DNAJC11: variants seen among roughly 807,000 people sequenced by gnomAD.
DNAJC11 encodes DnaJ heat shock protein family (Hsp40) member C11.
DNAJC11 carries 15 observed loss-of-function variants against 78.6 expected under a neutral mutation model. The observed-to-expected ratio is 0.19, with a 90% CI of 0.13 to 0.29. The LOEUF (loss-of-function observed/expected upper bound fraction) is 0.29. Ranked by LOEUF, DNAJC11 falls within the 10% of genes least tolerant of loss-of-function variation. The probability of loss-of-function intolerance (pLI) is 1.00; values close to 1 mark genes in which losing one functional copy is unlikely to be tolerated. For synonymous variants in DNAJC11, 292 were observed against 272.1 expected (o/e 1.07, Z -0.72); for missense variants, 547 against 709.6 (o/e 0.77, Z 2.60).
chr1:6,680,158 G>A lies in DNAJC11; in HGVS notation c.202+750C>T, dbSNP rs750725805. Among the ~76,000 whole-genome samples, 12 of 152,116 alleles carry A rather than the reference G, an allele frequency of 7.9e-5. No individual in the cohort carries two copies. The highest frequency in any genetic ancestry group is 1.5e-4 in the Non-Finnish European group (10 of 68,022). On this transcript the variant is annotated intron_variant, in intron 2 of 15. Transcript: ENST00000377577. The surrounding 1 kb of genome is among the most constrained non-coding windows in gnomAD (Gnocchi z 4.0). ...CTGGAACAAATAACTTATTGTAGTT[G>A]ATGTATATAACAGTGATTTAACATT...
intron 4 of DNAJC11, among the ~76,000 whole-genome samples, chr1:6,660,217 C>T (rs1570283741): frequency 2.7e-5 from 4 of 149,826 alleles, no homozygotes; most frequent in South Asian, 2.1e-4. Context: ...AGTGCAGTGG[C>T]GAGATCTCAG....
At chr1:6,685,195 T>C (rs919546621) in intron 1 of DNAJC11, among the ~76,000 whole-genome samples, 1 of 152,234 alleles carries the variant, frequency 6.6e-6, no homozygotes, top group Non-Finnish European at 1.5e-5. Flanking sequence ...CTGGATAATA[T>C]GTCTGTACCA....
chr1:6,639,959 A>G lies in DNAJC11; in HGVS notation c.1196T>C (p.Val399Ala). ...GATCAGACGGTGCATGGCAAAGTAGACCACTAGAGGCCCCACGGTGGCATA... is the reference window on the plus strand; with the variant it reads ...GATCAGACGGTGCATGGCAAAGTAGGCCACTAGAGGCCCCACGGTGGCATA... ...MFYATVGPLVVYFAMHRLIIK... is the reference protein window; with the variant it reads ...MFYATVGPLVAYFAMHRLIIK... The change falls in exon 11 of 16, where the codon GTC (valine) becomes GCC (alanine). Residue 399 changes from valine to alanine, a missense_variant. Val to Ala is a moderately conservative substitution (Grantham distance 64). Transcript: ENST00000377577. 6.2e-7 allele frequency: 1 copy of G among 1,613,428 alleles called. No individual in the cohort carries two copies.
intron 4 of DNAJC11, among the ~76,000 whole-genome samples, chr1:6,654,730 T>C (rs1455074959): frequency 1.3e-5 from 2 of 152,180 alleles, no homozygotes; most frequent in Non-Finnish European, 2.9e-5. Flanking sequence ...ACACATTTTT[T>C]TAACTAAACT....
At chr1:6,652,430 A>G (rs2148733343) in intron 6 of DNAJC11, among the ~76,000 whole-genome samples, 1 of 152,122 alleles carries the variant, frequency 6.6e-6, no homozygotes. Flanking sequence ...TATGAGACCT[A>G]TTTATTTATT....
chr1:6,679,523 T>C (rs1489043797), intron 2 of DNAJC11, among the ~76,000 whole-genome samples: 2 of 152,284 alleles, frequency 1.3e-5, no homozygotes, highest in East Asian at 3.9e-4. Flanking sequence ...TTTGGGTCTC[T>C]TCTCCCCTGA....
Position 6,641,666 on chromosome 1 carries a change from G to A in DNAJC11, c.1098-1609C>T, listed in dbSNP as rs112842775. Among the ~76,000 whole-genome samples, 15 of 151,956 alleles carry A rather than the reference G, an allele frequency of 9.9e-5. No individual in the cohort carries two copies. In the South Asian group the frequency reaches 1.0e-3, roughly 11 times the overall value. On this transcript the variant is annotated intron_variant, in intron 10 of 15. Transcript: ENST00000377577. ...CCTGTCTTGGCCTCCCAAAGTGTGC[G>A]CGCCACTGTACTGAGCCTTCAAATA...
At chr1:6,651,212 A>T in intron 7 of DNAJC11, 1 of 590,986 alleles carries the variant, frequency 1.7e-6, no homozygotes, top group Non-Finnish European at 3.4e-6. Flanking sequence ...TAAGTCTGTA[A>T]GTGTTTCGGT....
chr1:6,645,671 T>G lies in DNAJC11; in HGVS notation c.894+118A>C, dbSNP rs940529945. ...ACCGAGAGCCTGCCCCTCAGGGCCC[T>G]GTATGGGCTTAGACTTAGTGGTGAT... On this transcript the variant is annotated intron_variant, in intron 8 of 15. Coordinates refer to ENST00000377577, the MANE Select transcript of DNAJC11 (RefSeq NM_018198.4). This position sits in a 1 kb window ranked among gnomAD's most constrained non-coding sequence, Gnocchi z 4.1. 5 of 1,176,970 alleles carry G rather than the reference T, an allele frequency of 4.2e-6. No homozygotes were observed. In the African/African-American group the frequency reaches 7.6e-5, roughly 18 times the overall value. 72.9% of individuals were successfully genotyped at this position (1,176,970 alleles called of 1,614,324 possible).
chr1:6,669,957 T>A (rs952175533), intron 3 of DNAJC11, among the ~76,000 whole-genome samples: 11 of 144,624 alleles, frequency 7.6e-5, no homozygotes, highest in Admixed American at 6.2e-4. Context: ...CAAAAAATAA[T>A]TTTTTTTTTT....
intron 7 of DNAJC11, 108 bp downstream of exon 7, chr1:6,651,421 G>T: frequency 2.1e-6 from 2 of 965,742 alleles, no homozygotes; most frequent in Non-Finnish European, 1.6e-6. Flanking sequence ...CAGTGACCTT[G>T]TAGGACAGAC....
chr1:6,658,628 CAT>C lies in DNAJC11; in HGVS notation c.379-4591_379-4590del, dbSNP rs1377359250. On this transcript the variant is annotated intron_variant, in intron 4 of 15. Transcript: ENST00000377577. ...ATACCTGACTTTTGAACCTTGTACACATATTACTCTGACAAAAAAAATTGAAA... is the reference window on the plus strand; with the variant it reads ...ATACCTGACTTTTGAACCTTGTACACATTACTCTGACAAAAAAAATTGAAA... 2.1e-5 allele frequency among the ~76,000 whole-genome samples: 3 copies of C among 143,424 alleles called. No individual in the cohort carries two copies. The East Asian group carries it at 6.1e-4, about 29-fold the overall frequency. 94.1% of individuals were successfully genotyped at this position (143,424 alleles called of 152,430 possible).
intron 7 of DNAJC11, chr1:6,651,010 C>T (rs1642046391): frequency 3.8e-6 from 2 of 530,702 alleles, no homozygotes; most frequent in South Asian, 2.8e-5. Context: ...GACATCACTG[C>T]ACCCACCATA....
chr1:6,640,171 G>C, intron 10 of DNAJC11, 114 bp from the exon 11 acceptor site: 2 of 1,309,472 alleles, frequency 1.5e-6, no homozygotes, highest in East Asian at 5.1e-5. Flanking sequence ...GCAGCTGCGA[G>C]TTAAAGGAGC....
intron 1 of DNAJC11, among the ~76,000 whole-genome samples, chr1:6,682,422 A>G (rs1003108008): frequency 6.6e-6 from 1 of 152,174 alleles, no homozygotes; most frequent in African/African-American, 2.4e-5. Context: ...GAGGAAGACA[A>G]TAAACGTGAC....
intron 4 of DNAJC11, among the ~76,000 whole-genome samples, chr1:6,654,897 C>T (rs550467382): frequency 6.6e-6 from 1 of 151,936 alleles, no homozygotes; most frequent in Non-Finnish European, 1.5e-5. Flanking sequence ...CTCCTGGGTT[C>T]AAGCGATTCT....
rs56145914 is a variant in DNAJC11, at chr1:6,640,071, C to CAAAAAAAA, written c.1098-22_1098-15dup. ...GCCCTGTTGAGCCTGGGGAAAAATA[C>CAAAAAAAA]AAAAAAAAAAAAAAAAAAGCCAAGA... On this transcript the variant is annotated splice_polypyrimidine_tract_variant and intron_variant, in intron 10 of 15. Coordinates refer to ENST00000377577, the MANE Select transcript of DNAJC11 (RefSeq NM_018198.4). The CAAAAAAAA allele has an allele frequency of 3.3e-6, 4 of 1,219,060 alleles. No homozygotes were observed. The highest frequency in any genetic ancestry group is 2.1e-6 in the Non-Finnish European group (2 of 972,606). The allele number at this position is 1,219,060 out of a possible 1,614,324, so 75.5% of individuals were successfully genotyped here.
rs939214268 is a variant in DNAJC11, at chr1:6,645,804, G to A, written c.879C>T (p.Phe293=). The A allele has an allele frequency of 1.2e-6, 2 of 1,614,052 alleles. No individual in the cohort carries two copies. Residue 293 remains phenylalanine (F), a synonymous_variant, in exon 8 of 16, where the codon TTC becomes TTT. Transcript: ENST00000377577. This position sits in a 1 kb window ranked among gnomAD's most constrained non-coding sequence, Gnocchi z 4.1. The part of the protein sequence containing the change: ...SIVRDTKTSH[F]TVALQLGIPH... ...CTCGGCTCACCTGCAGGGCCACAGT[G>A]AAGTGGCTGGTTTTAGTGTCTCGGA...
intron 9 of DNAJC11, 149 bp downstream of exon 9, chr1:6,644,892 C>A: frequency 2.4e-6 from 2 of 848,540 alleles, no homozygotes; most frequent in Non-Finnish European, 2.0e-6. Flanking sequence ...AGTGTTAAAT[C>A]CCCCACAGCC....
Sources: allele counts gnomAD v4.1 joint callset (sites outside exome capture counted in the v4.1 genomes callset), GRCh38; gene constraint gnomAD v4.1.1; non-coding constraint Gnocchi (gnomAD v3.1); transcripts MANE v1.5; gene names NCBI Gene and HGNC (gene_info 2026-07-23, HGNC 2026-07-21).